The following ANKRD44 variants were observed in gnomAD, a reference collection of about 807,000 sequenced individuals.
ANKRD44 encodes the protein serine/threonine-protein phosphatase 6 regulatory ankyrin repeat subunit B.
A neutral mutation model predicts 116.0 loss-of-function variants in ANKRD44; 35 were observed. That is an observed-to-expected ratio of 0.30 (90% CI 0.23 to 0.40). The LOEUF is 0.40. Among genes scored for constraint, ANKRD44 ranks in the 10% least tolerant of loss-of-function variants. ANKRD44 has a pLI of 1.00. For missense variants in ANKRD44, 1,014 were observed against 1,242.6 expected, an observed-to-expected ratio of 0.82 and a Z score of 2.77; for synonymous variants, 435 against 461.8, an observed-to-expected ratio of 0.94 and a Z score of 0.74.
intron 16 of ANKRD44, among the ~76,000 whole-genome samples, chr2:197,043,333 T>A (rs2124967330): frequency 6.6e-6 from 1 of 152,284 alleles, no homozygotes; most frequent in East Asian, 1.9e-4. Flanking sequence ...TTGTTCCCCA[T>A]TATCTATTAG....
intron 1 of ANKRD44, among the ~76,000 whole-genome samples, chr2:197,237,528 T>C (rs2082003361): frequency 6.6e-6 from 1 of 152,216 alleles, no homozygotes; most frequent in Non-Finnish European, 1.5e-5. Context: ...CCATTAACAT[T>C]TTCACTAGAA....
chr2:197,094,798 C>T (rs1397995029), intron 10 of ANKRD44, among the ~76,000 whole-genome samples: 1 of 152,182 alleles, frequency 6.6e-6, no homozygotes, highest in African/African-American at 2.4e-5. Context: ...TTATTATGCA[C>T]CCTTAAGTGA....
At chr2:197,086,828 A>C in intron 12 of ANKRD44, 80 bp from the exon 13 acceptor site, 2 of 1,334,206 alleles carry the variant, frequency 1.5e-6, no homozygotes, top group Middle Eastern at 1.8e-4. Flanking sequence ...TTTTCTGCAG[A>C]GTACAGGACC....
chr2:197,009,216 T>G (rs1257238335), intron 18 of ANKRD44, among the ~76,000 whole-genome samples, 185 bp from the exon 19 acceptor site: 1 of 151,858 alleles, frequency 6.6e-6, no homozygotes, highest in African/African-American at 2.4e-5. Context: ...CTCAGCCTCC[T>G]GAGTAGCTGG....
chr2:197,007,285 G>A lies in ANKRD44; in HGVS notation c.2130+521C>T, dbSNP rs376521289. Among the ~76,000 whole-genome samples, 15 of 151,930 alleles carry A rather than the reference G, an allele frequency of 9.9e-5. No individual in the cohort carries two copies. The East Asian group carries it at 2.5e-3, about 25-fold the overall frequency. On this transcript the variant is annotated intron_variant, in intron 20 of 27. Coordinates refer to ENST00000282272, the MANE Select transcript of ANKRD44 (RefSeq NM_001195144.2). ...TAAAAATCATGATGCAGAAAAAAAT[G>A]AAATGAAAAAAGATCCTTGATATAC...
chr2:197,242,685 G>A (rs530333159), intron 1 of ANKRD44, among the ~76,000 whole-genome samples: 2 of 152,302 alleles, frequency 1.3e-5, no homozygotes, highest in East Asian at 1.9e-4. Context: ...CAGCTGAGAC[G>A]AAAGTCAAGA....
chr2:197,015,484 A>C lies in ANKRD44; in HGVS notation c.1723-1772T>G. ...TAGGCATAACTTGGAAGTGAAAGAG[A>C]CCCATTCTATACAAGAGATGCAGTC... On this transcript the variant is annotated intron_variant, in intron 17 of 27. Coordinates refer to ENST00000282272, the MANE Select transcript of ANKRD44 (RefSeq NM_001195144.2). 11 of 479,678 alleles carry C rather than the reference A, an allele frequency of 2.3e-5. No individual in the cohort carries two copies. In the South Asian group the frequency reaches 2.7e-4, roughly 12 times the overall value. 29.7% of individuals were successfully genotyped at this position (479,678 alleles called of 1,614,324 possible).
chr2:197,273,026 CTT>C (rs1372667802), intron 1 of ANKRD44, among the ~76,000 whole-genome samples: 6 of 152,194 alleles, frequency 3.9e-5, no homozygotes, highest in African/African-American at 1.4e-4. Context: ...TACACATTAA[CTT>C]AGATTTTGCT....
At chr2:197,057,673 C>T (rs2077228601) in intron 16 of ANKRD44, among the ~76,000 whole-genome samples, 1 of 152,110 alleles carries the variant, frequency 6.6e-6, no homozygotes, top group African/African-American at 2.4e-5. Flanking sequence ...CTGGGCAATA[C>T]AGCAAGATCC....
intron 1 of ANKRD44, among the ~76,000 whole-genome samples, chr2:197,282,418 C>T (rs1045661737): frequency 1.3e-5 from 2 of 151,438 alleles, no homozygotes; most frequent in Non-Finnish European, 2.9e-5. Context: ...GTCTGAGAGG[C>T]GGTGTGTGTT....
chr2:197,017,884 T>C (rs973170336), intron 17 of ANKRD44, among the ~76,000 whole-genome samples: 2 of 152,176 alleles, frequency 1.3e-5, no homozygotes, highest in Non-Finnish European at 2.9e-5. Flanking sequence ...TGTTGAAAAA[T>C]AGCCCTTCCC....
chr2:197,017,895 C>A (rs2076421621), intron 17 of ANKRD44, among the ~76,000 whole-genome samples: 2 of 152,214 alleles, frequency 1.3e-5, no homozygotes, highest in Non-Finnish European at 2.9e-5. Context: ...AGCCCTTCCC[C>A]TCCTTGCTGC....
rs1423745680 is a variant in ANKRD44, at chr2:197,000,585, T to C, written c.2436-83A>G. On this transcript the variant is annotated intron_variant, in intron 22 of 27. Transcript: ENST00000282272. ...CTAACCCATCTTCCTATGTACTGTA[T>C]ATTTGACAATCTGAAGCATTTAAAA... 3.7e-6 allele frequency: 4 copies of C among 1,081,126 alleles called. No homozygotes were observed. The African/African-American group carries it at 4.7e-5, about 13-fold the overall frequency. The allele number at this position is 1,081,126 out of a possible 1,614,324, so 67.0% of individuals were successfully genotyped here. A position where few individuals can be genotyped will look rare whatever the true frequency, so the allele number is the denominator to read the frequency against.
intron 4 of ANKRD44, among the ~76,000 whole-genome samples, chr2:197,131,893 C>T (rs1390472671): frequency 1.3e-5 from 2 of 152,214 alleles, no homozygotes; most frequent in Non-Finnish European, 2.9e-5. Context: ...CTTTCCCCTA[C>T]AGTTGCTCTT....
At chr2:197,097,789 A>C (rs1159147562) in intron 10 of ANKRD44, among the ~76,000 whole-genome samples, 1 of 152,198 alleles carries the variant, frequency 6.6e-6, no homozygotes, top group Non-Finnish European at 1.5e-5. Flanking sequence ...CATTAGACAC[A>C]ACCTGTTCTA....
At chr2:197,209,430 A>C (rs1469670271) in intron 1 of ANKRD44, among the ~76,000 whole-genome samples, 2 of 152,172 alleles carry the variant, frequency 1.3e-5, no homozygotes, top group Non-Finnish European at 2.9e-5. Flanking sequence ...GAGTCGGAGA[A>C]AGGCCTGACA....
At chr2:197,146,789 G>C (rs902215023) in intron 3 of ANKRD44, among the ~76,000 whole-genome samples, 4 of 151,972 alleles carry the variant, frequency 2.6e-5, no homozygotes, top group African/African-American at 9.7e-5. Flanking sequence ...TGCTGGGCCT[G>C]ACTAGACAGC....
At chr2:197,088,843 A>G in intron 11 of ANKRD44, 69 bp from the exon 12 acceptor site, 2 of 1,531,232 alleles carry the variant, frequency 1.3e-6, no homozygotes, top group East Asian at 2.3e-5. Flanking sequence ...TTAAACCACA[A>G]GAAACATTGC....
chr2:197,110,840 T>C lies in ANKRD44; in HGVS notation c.911A>G (p.Lys304Arg), dbSNP rs770333927. The C allele has an allele frequency of 2.5e-6, 4 of 1,613,842 alleles. No individual in the cohort carries two copies. Among genetic ancestry groups the C allele is most frequent in the Non-Finnish European group, 3.4e-6 (4 of 1,179,782 alleles). Residue 304 changes from lysine to arginine, a missense_variant, in exon 9 of 28, where the codon AAA (lysine) becomes AGA (arginine). Transcript: ENST00000282272. ...CATGTGCAGTGGACTTTTGCCATCTTTACTCTAAAAAAAAGAGAGGGAGAG... is the reference window on the plus strand; with the variant it reads ...CATGTGCAGTGGACTTTTGCCATCTCTACTCTAAAAAAAAGAGAGGGAGAG... ...NNGADVNIQS[K>R]DGKSPLHMTA... is the part of the protein sequence containing the mutation.
Sources: allele counts gnomAD v4.1 joint callset (sites outside exome capture counted in the v4.1 genomes callset), GRCh38; gene constraint gnomAD v4.1.1; transcripts MANE v1.5; gene names NCBI Gene and HGNC (gene_info 2026-07-23, HGNC 2026-07-21).